Variants in CDH13 observed in about 807,000 individuals in gnomAD.
CDH13 encodes the protein cadherin-13.
CDH13 carries 24 observed loss-of-function variants against 63.8 expected under a neutral mutation model. The ratio of observed to expected loss-of-function variants is 0.38; its 90% CI spans 0.27 to 0.53. CDH13 has a LOEUF of 0.53. Among genes scored for constraint, CDH13 ranks in the 20% least tolerant of loss-of-function variants. The pLI is 0.85. For missense variants in CDH13, 1,049 were observed against 903.1 expected, an observed-to-expected ratio of 1.16 and a Z score of -2.07; for synonymous variants, 503 against 355.3, an observed-to-expected ratio of 1.42 and a Z score of -4.67.
At chr16:82,858,741 A>G (rs941576240) in intron 2 of CDH13, 18 of 588,100 alleles carry the variant, frequency 3.1e-5, no homozygotes, top group Non-Finnish European at 4.5e-5. Flanking sequence ...TCAGCCTCCA[A>G]TGAGAGTTGT....
At chr16:82,974,479 A>G (rs1166492481) in intron 2 of CDH13, among the ~76,000 whole-genome samples, 1 of 152,228 alleles carries the variant, frequency 6.6e-6, no homozygotes, top group Non-Finnish European at 1.5e-5. Context: ...GAATTTCTGG[A>G]TCACAGGTAT....
intron 4 of CDH13, among the ~76,000 whole-genome samples, chr16:83,145,791 C>T (rs1029784746): frequency 3.9e-5 from 6 of 152,098 alleles, no homozygotes; most frequent in African/African-American, 1.4e-4. Flanking sequence ...GGGTTCTGCC[C>T]TTATTGGAAT....
intron 11 of CDH13, among the ~76,000 whole-genome samples, chr16:83,767,136 G>T (rs187346863): frequency 6.6e-6 from 1 of 152,288 alleles, no homozygotes; most frequent in Admixed American, 6.5e-5. Context: ...ACCCTCTTGG[G>T]AGAGGCATTT....
chr16:83,428,932 A>G (rs1014230096), intron 6 of CDH13, among the ~76,000 whole-genome samples: 2 of 152,234 alleles, frequency 1.3e-5, no homozygotes, highest in African/African-American at 4.8e-5. Flanking sequence ...TATCTTTAAT[A>G]ACCAACTCTA....
chr16:83,087,671 CA>C (rs67228844), intron 3 of CDH13, among the ~76,000 whole-genome samples: 1,134 of 43,952 alleles, frequency 0.026, 6 homozygotes, highest in African/African-American at 0.088. Context: ...CCCTCCGTCT[CA>C]AAAAAAAAAA....
chr16:82,963,706 T>A (rs1164878761), intron 2 of CDH13, among the ~76,000 whole-genome samples: 2 of 152,084 alleles, frequency 1.3e-5, no homozygotes, highest in Non-Finnish European at 2.9e-5. Flanking sequence ...CTGTTACAAT[T>A]CCCAGTGTAC....
At chr16:83,384,760 C>A (rs190679215) in intron 6 of CDH13, among the ~76,000 whole-genome samples, 7 of 152,354 alleles carry the variant, frequency 4.6e-5, no homozygotes, top group Non-Finnish European at 8.8e-5. Context: ...TGAATCTTTC[C>A]TGTCTCACTC....
At chr16:83,338,253 C>G (rs918769) in intron 5 of CDH13, among the ~76,000 whole-genome samples, 150,557 of 151,744 alleles carry the variant, frequency 0.99, 74,698 homozygotes, top group Middle Eastern at 1. Flanking sequence ...TGGGATTCTT[C>G]TTCATCATTT....
chr16:82,962,668 G>A (rs1262785391), intron 2 of CDH13, among the ~76,000 whole-genome samples: 1 of 152,146 alleles, frequency 6.6e-6, no homozygotes, highest in African/African-American at 2.4e-5. Flanking sequence ...GGGAAGTCAT[G>A]AAGGCCAAGC....
chr16:83,251,591 G>A (rs1280687047), intron 5 of CDH13, among the ~76,000 whole-genome samples: 1 of 152,172 alleles, frequency 6.6e-6, no homozygotes, highest in Non-Finnish European at 1.5e-5. Context: ...ATGTCAGGAG[G>A]CAGCAGAGGG....
chr16:83,498,346 T>C (rs1353684971), intron 7 of CDH13, among the ~76,000 whole-genome samples: 1 of 150,892 alleles, frequency 6.6e-6, no homozygotes, highest in African/African-American at 2.5e-5. Flanking sequence ...AAGGAGTCCC[T>C]GAGGTAAAAC....
At chr16:83,676,510 T>G (rs566212021) in intron 9 of CDH13, among the ~76,000 whole-genome samples, 1 of 152,354 alleles carries the variant, frequency 6.6e-6, no homozygotes, top group African/African-American at 2.4e-5. Context: ...TTTACCGAAG[T>G]TGCACATTCT....
At chr16:82,923,921 C>G (rs1294177400) in intron 2 of CDH13, among the ~76,000 whole-genome samples, 4 of 152,146 alleles carry the variant, frequency 2.6e-5, no homozygotes, top group Non-Finnish European at 5.9e-5. Flanking sequence ...TGCAAATGAT[C>G]ACAGAATTAC....
At chr16:83,303,212 C>T (rs1163980171) in intron 5 of CDH13, among the ~76,000 whole-genome samples, 7 of 152,202 alleles carry the variant, frequency 4.6e-5, no homozygotes, top group South Asian at 2.1e-4. Context: ...GAAGGTTCAC[C>T]TTCTGCCCTC....
At chr16:83,110,676 A>T (rs1282885962) in intron 3 of CDH13, among the ~76,000 whole-genome samples, 1 of 152,124 alleles carries the variant, frequency 6.6e-6, no homozygotes, top group Non-Finnish European at 1.5e-5. Flanking sequence ...GGTAATACAG[A>T]TAGATAACCG....
At chr16:83,482,062 G>T (rs1303222253) in intron 6 of CDH13, among the ~76,000 whole-genome samples, 1 of 152,176 alleles carries the variant, frequency 6.6e-6, no homozygotes, top group Non-Finnish European at 1.5e-5. Flanking sequence ...TTCCAGCAAG[G>T]ACCTCCAAGG....
chr16:83,122,641 A>C (rs1423898903), intron 3 of CDH13, among the ~76,000 whole-genome samples: 1 of 152,198 alleles, frequency 6.6e-6, no homozygotes, highest in Non-Finnish European at 1.5e-5. Flanking sequence ...TTGTGAGTGT[A>C]AGGACCTTGC....
At position 82,961,845 on chromosome 16, in the gene CDH13, T is replaced by C. The variant is rs557226393; in HGVS notation, c.158-70165T>C. Among the ~76,000 whole-genome samples, 320 of 152,272 alleles carry C rather than the reference T, an allele frequency of 2.1e-3. 2 individuals carry two copies. The highest frequency in any genetic ancestry group is 0.017 in the Middle Eastern group (5 of 294). On this transcript the variant is annotated intron_variant, in intron 2 of 13. Transcript: ENST00000567109. ...GTCACCGTTGGGATGGGGGCTGCCG[T>C]TGGCTTCTAGTGGGTAGAGGTCAGT...
chr16:83,499,468 T>G (rs551757586), intron 7 of CDH13, among the ~76,000 whole-genome samples: 3 of 152,238 alleles, frequency 2.0e-5, no homozygotes, highest in Non-Finnish European at 4.4e-5. Flanking sequence ...ACCAGCCTTG[T>G]GCTAGAGAAA....
Sources: gnomAD v4.1 joint callset for allele counts (sites outside exome capture counted in the v4.1 genomes callset) on GRCh38, gnomAD v4.1.1 for gene constraint, MANE v1.5 for transcripts, NCBI Gene and HGNC (gene_info 2026-07-23, HGNC 2026-07-21) for gene names.